The following MTMR3 variants were observed in gnomAD, a reference collection of about 807,000 sequenced individuals.
MTMR3 encodes phosphatidylinositol-3,5-bisphosphate 3-phosphatase MTMR3.
In MTMR3, 32 loss-of-function variants were observed where a neutral mutation model predicts 132.4. The observed-to-expected ratio is 0.24, with a 90% confidence interval of 0.18 to 0.32. The LOEUF (loss-of-function observed/expected upper bound fraction) is 0.32, where lower values mean the gene tolerates loss of function less well. MTMR3 is among the 10% of genes least tolerant of loss of function. The pLI, the probability that MTMR3 is intolerant of heterozygous loss-of-function variation, is 1.00. For synonymous variants in MTMR3, 556 were observed against 550.3 expected, an observed-to-expected ratio of 1.01 and a Z score of -0.14; for missense variants, 1,216 against 1,489.6, an observed-to-expected ratio of 0.82 and a Z score of 3.02.
chr22:29,884,496 C>T (rs1385286483), intron 1 of MTMR3, among the ~76,000 whole-genome samples: 1 of 145,916 alleles, frequency 6.9e-6, no homozygotes, highest in African/African-American at 2.5e-5. Flanking sequence ...TGCAGAAAGT[C>T]TTCCCTTTAT....
intron 1 of MTMR3, among the ~76,000 whole-genome samples, chr22:29,931,140 A>C (rs1038822088): frequency 3.3e-5 from 5 of 152,184 alleles, no homozygotes; most frequent in Admixed American, 3.3e-4. Flanking sequence ...ACTATTTAAT[A>C]AGTAAAACTT....
intron 2 of MTMR3, among the ~76,000 whole-genome samples, chr22:29,970,497 CTTTTTTTTT>C (rs11326857): frequency 6.9e-5 from 4 of 57,744 alleles, no homozygotes; most frequent in African/African-American, 3.2e-4. Flanking sequence ...CCATGACCAG[CTTTTTTTTT>C]TTTTTTTTTT....
chr22:30,005,856 G>T (rs1434752234), intron 9 of MTMR3: 7 of 152,194 alleles, frequency 4.6e-5, no homozygotes, highest in Admixed American at 4.6e-4. Context: ...GCCCCTGCTA[G>T]TAAAACATAG....
chr22:30,022,487 C>T (rs1313830248), intron 18 of MTMR3, 122 bp from the exon 19 acceptor site: 16 of 808,550 alleles, frequency 2.0e-5, no homozygotes, highest in Non-Finnish European at 3.3e-5. Flanking sequence ...ATCAGATCTG[C>T]TGGGCTGGTG....
chr22:30,018,042 GCAC>G lies in MTMR3; in HGVS notation c.1793_1795del (p.Thr598del). ...AGCTGTGCACCATACCCAGCCCCAG[GCAC>G]CAGCCCTGATGATCCCCCCCTGAGC... On this transcript the variant is annotated inframe_deletion, in exon 16 of 20. Transcript: ENST00000401950. 6.2e-7 allele frequency: 1 copy of G among 1,611,682 alleles called. No homozygotes were observed. The highest frequency in any genetic ancestry group is 8.5e-7 in the Non-Finnish European group (1 of 1,179,312).
chr22:29,941,347 T>C (rs569539256), intron 1 of MTMR3, among the ~76,000 whole-genome samples: 4 of 152,184 alleles, frequency 2.6e-5, no homozygotes, highest in African/African-American at 4.8e-5. Context: ...GGGGCTGTTA[T>C]GAGTAAGGTT....
rs556384756 is a variant in MTMR3 at position 29,907,557 on chromosome 22, C to T, written c.-138+24198C>T. ...CAAGCTTTTACTTAACTTCAGAGTT[C>T]TTACCTGAGACAGAAAAGTTGAGTT... On this transcript the variant is annotated intron_variant, in intron 1 of 19. Coordinates refer to ENST00000401950, the MANE Select transcript of MTMR3 (RefSeq NM_021090.4). 3.9e-5 allele frequency among the ~76,000 whole-genome samples: 6 copies of T among 152,252 alleles called. No individual in the cohort carries two copies. The South Asian group carries it at 1.2e-3, about 32-fold the overall frequency.
chr22:29,988,064 A>G (rs17713999), intron 5 of MTMR3: 8,068 of 152,862 alleles, frequency 0.053, 304 homozygotes, highest in Non-Finnish European at 0.077. Context: ...TCCCACTGGC[A>G]TTCTGATCTG....
Position 29,948,664 on chromosome 22 carries a change from G to T in MTMR3, c.-137-8372G>T, listed in dbSNP as rs183482130. On this transcript the variant is annotated intron_variant, in intron 1 of 19. Coordinates refer to ENST00000401950, the MANE Select transcript of MTMR3 (RefSeq NM_021090.4). ...TGAAGGGAGAGGGATAATATAAAAA[G>T]GATGGAGTTTAGAAATTTGTCTTTT... is the stretch of plus-strand genomic sequence containing the variant. Among the ~76,000 whole-genome samples, 14 of 152,170 alleles carry T rather than the reference G, an allele frequency of 9.2e-5. No homozygotes were observed. In the East Asian group the frequency reaches 2.1e-3, roughly 23 times the overall value.
chr22:29,936,086 T>G (rs1428875062), intron 1 of MTMR3, among the ~76,000 whole-genome samples: 2 of 152,134 alleles, frequency 1.3e-5, no homozygotes, highest in African/African-American at 4.8e-5. Flanking sequence ...GTTTAGAAGA[T>G]GGAGACAAAA....
rs144881126 is a variant in MTMR3 at position 29,922,087 on chromosome 22, C to T, written c.-137-34949C>T. On this transcript the variant is annotated intron_variant, in intron 1 of 19. Transcript: ENST00000401950. ...TGTCACCCAGGCTGCAGTGCAGTGT[C>T]GCCATCTGTGCTGACTGCTACCTCT... Among the ~76,000 whole-genome samples, 500 of 151,206 alleles carry T rather than the reference C, an allele frequency of 3.3e-3. 9 individuals carry two copies. The highest frequency in any genetic ancestry group is 0.024 in the Admixed American group (365 of 15,178).
chr22:29,918,131 A>C (rs2065343255), intron 1 of MTMR3, among the ~76,000 whole-genome samples: 1 of 152,180 alleles, frequency 6.6e-6, no homozygotes, highest in South Asian at 2.1e-4. Context: ...TAAGTGTTTA[A>C]TTTAGAAAAA....
intron 3 of MTMR3, among the ~76,000 whole-genome samples, chr22:29,975,683 C>G: frequency 6.6e-6 from 1 of 152,192 alleles, no homozygotes; most frequent in Non-Finnish European, 1.5e-5. Context: ...TCACTGTAGC[C>G]GCTACAGTGC....
Position 29,971,007 on chromosome 22 carries a change from T to C in MTMR3, c.-53T>C. ...CCATAAGGGAAAGAAGAGAGCCTTGTTGGACACTGAAGAAGGGACGGGGAT... is the reference window on the plus strand; with the variant it reads ...CCATAAGGGAAAGAAGAGAGCCTTGCTGGACACTGAAGAAGGGACGGGGAT... On this transcript the variant is annotated 5_prime_UTR_variant, in exon 3 of 20. Coordinates refer to ENST00000401950, the MANE Select transcript of MTMR3 (RefSeq NM_021090.4). The C allele has an allele frequency of 2.8e-6, 4 of 1,412,650 alleles. No homozygotes were observed. The highest frequency in any genetic ancestry group is 2.1e-5 in the Admixed American group (1 of 48,556). The allele number at this position is 1,412,650 out of a possible 1,614,324, so 87.5% of individuals were successfully genotyped here. A position where few individuals can be genotyped will look rare whatever the true frequency, so the allele number is the denominator to read the frequency against.
intron 1 of MTMR3, among the ~76,000 whole-genome samples, chr22:29,908,944 A>G (rs2065152743): frequency 6.7e-6 from 1 of 149,756 alleles, no homozygotes; most frequent in Non-Finnish European, 1.5e-5. Context: ...GCTTTTATTT[A>G]TTTAAGAAAT....
At chr22:29,941,126 G>A (rs2065849713) in intron 1 of MTMR3, among the ~76,000 whole-genome samples, 2 of 140,636 alleles carry the variant, frequency 1.4e-5, no homozygotes, top group South Asian at 4.2e-4. Context: ...CTAAAAATTA[G>A]TTTCGTCCTT....
intron 7 of MTMR3, chr22:29,997,714 C>T (rs2067089623): frequency 6.6e-6 from 1 of 152,112 alleles, no homozygotes; most frequent in Admixed American, 6.5e-5. Flanking sequence ...GTTATGATTC[C>T]ATGACCTGTT....
At chr22:29,934,940 T>C (rs565216012) in intron 1 of MTMR3, among the ~76,000 whole-genome samples, 1 of 152,368 alleles carries the variant, frequency 6.6e-6, no homozygotes, top group East Asian at 1.9e-4. Context: ...AACAAAGTAA[T>C]TTATCCATTT....
rs1482426916 is a variant in MTMR3, at chr22:30,030,252, T to C, written c.*4451T>C. On this transcript the variant is annotated 3_prime_UTR_variant, in exon 20 of 20. Coordinates refer to ENST00000401950, the MANE Select transcript of MTMR3 (RefSeq NM_021090.4). ...TAGTCAGTTTTTCTTACAGTGCTCA[T>C]AGCAGTTGTATTTGAATTGTATTTT... The C allele has an allele frequency of 6.6e-6, 1 of 152,366 alleles. No homozygotes were observed. Among genetic ancestry groups the C allele is most frequent in the Non-Finnish European group, 1.5e-5 (1 of 68,034 alleles). The allele number at this position is 152,366 out of a possible 1,614,324, so 9.4% of individuals were successfully genotyped here. A position where few individuals can be genotyped will look rare whatever the true frequency, so the allele number is the denominator to read the frequency against.
Sources: gnomAD v4.1 joint callset for allele counts (sites outside exome capture counted in the v4.1 genomes callset) on GRCh38, gnomAD v4.1.1 for gene constraint, MANE v1.5 for transcripts, NCBI Gene and HGNC (gene_info 2026-07-23, HGNC 2026-07-21) for gene names.